The following DIP2B variants were observed in gnomAD, a reference collection of about 807,000 sequenced individuals.
The protein encoded by DIP2B is DIP2 acetate--CoA ligase B (putative), also known as disco-interacting protein 2 homolog B.
Under a neutral mutation model 198.0 loss-of-function variants are expected in DIP2B, and 76 were observed. The observed-to-expected ratio is 0.38, with a 90% CI of 0.32 to 0.46. DIP2B has a LOEUF of 0.46. Ranked by LOEUF, DIP2B falls within the 20% of genes least tolerant of loss-of-function variation. The pLI is 0.99. For synonymous variants in DIP2B, 701 were observed against 739.1 expected, an observed-to-expected ratio of 0.95 and a Z score of 0.84; for missense variants, 1,559 against 1,978.4, an observed-to-expected ratio of 0.79 and a Z score of 4.02.
chr12:50,671,049 A>C lies in DIP2B; in HGVS notation c.428-137A>C, dbSNP rs940984375. Reference sequence around the variant, plus strand: ...AGACTTTTCCTTGAGATTCTTGAGAAACTTTACATATTAATCTACCTTAAG... The same window carrying C: ...AGACTTTTCCTTGAGATTCTTGAGACACTTTACATATTAATCTACCTTAAG... On this transcript the variant is annotated intron_variant, in intron 4 of 37. Coordinates refer to ENST00000301180, the MANE Select transcript of DIP2B (RefSeq NM_173602.3). 2.0e-5 allele frequency: 16 copies of C among 806,588 alleles called. No homozygotes were observed. In the African/African-American group the frequency reaches 2.1e-4, roughly 10 times the overall value. 50.0% of individuals were successfully genotyped at this position (806,588 alleles called of 1,614,324 possible).
chr12:50,523,575 C>T (rs1026021170), intron 1 of DIP2B, among the ~76,000 whole-genome samples: 2 of 152,088 alleles, frequency 1.3e-5, no homozygotes, highest in Non-Finnish European at 2.9e-5. Flanking sequence ...TCTTAGTGTT[C>T]ACATGGAAGA....
intron 19 of DIP2B, 104 bp from the exon 20 acceptor site, chr12:50,704,036 C>T (rs569276509): frequency 1.1e-6 from 1 of 893,114 alleles, no homozygotes; most frequent in South Asian, 1.5e-5. Flanking sequence ...TTCACTATTA[C>T]ATTATTTTTT....
intron 5 of DIP2B, among the ~76,000 whole-genome samples, chr12:50,671,759 T>C (rs1036577267): frequency 7.2e-5 from 11 of 152,188 alleles, no homozygotes; most frequent in African/African-American, 2.4e-4. Context: ...CCCAGGATTG[T>C]TACCTATATT....
rs759625255 is a variant in DIP2B at position 50,739,427 on chromosome 12, C to T, written c.4195C>T (p.His1399Tyr). The T allele has an allele frequency of 6.2e-7, 1 of 1,613,376 alleles. No homozygotes were observed. The highest frequency in any genetic ancestry group is 8.5e-7 in the Non-Finnish European group (1 of 1,179,348). The stretch of plus-strand genomic sequence containing the variant: ...CTTGTAGATTTGGGTGAACAGTCCC[C>T]ATACAGCCAGCGGCTACTACACCAT... ...HLGEIWVNSP[H>Y]TASGYYTIYD... is the part of the protein sequence containing the mutation. Residue 1399 changes from histidine to tyrosine, a missense_variant, in exon 36 of 38, where the codon CAT becomes TAT. By Grantham distance (83) the His-to-Tyr change is moderately conservative (BLOSUM62 2). Coordinates refer to ENST00000301180, the MANE Select transcript of DIP2B (RefSeq NM_173602.3).
intron 4 of DIP2B, among the ~76,000 whole-genome samples, chr12:50,665,393 CA>C (rs1336352764): frequency 6.6e-6 from 1 of 152,152 alleles, no homozygotes; most frequent in Non-Finnish European, 1.5e-5. Flanking sequence ...AATTAAGTGT[CA>C]AACTCAAAAT....
At chr12:50,508,572 A>C (rs1277331491) in intron 1 of DIP2B, among the ~76,000 whole-genome samples, 1 of 152,180 alleles carries the variant, frequency 6.6e-6, no homozygotes, top group Non-Finnish European at 1.5e-5. Flanking sequence ...GTACTCAGAA[A>C]GATTGTTTTG....
chr12:50,566,618 TGTCTCACAG>T (rs374169423), intron 1 of DIP2B, among the ~76,000 whole-genome samples: 98 of 152,282 alleles, frequency 6.4e-4, no homozygotes, highest in African/African-American at 2.2e-3. Flanking sequence ...CTTTTGATAG[TGTCTCACAG>T]GTCTCTGAGG....
Position 50,728,525 on chromosome 12 carries a change from G to C in DIP2B, c.3511-23G>C, listed in dbSNP as rs182348615. ...GCCTGTGGGATAACAGTCCCAGCCT[G>C]TTCCATTTTCCATACTTTCCAGATG... is the stretch of plus-strand genomic sequence containing the variant. On this transcript the variant is annotated intron_variant, in intron 29 of 37. Transcript: ENST00000301180. 3.5e-3 allele frequency: 5,604 copies of C among 1,611,498 alleles called. 17 individuals carry two copies. Among genetic ancestry groups the C allele is most frequent in the Non-Finnish European group, 3.5e-3 (4,108 of 1,178,226 alleles).
At chr12:50,595,527 A>G (rs1313483216) in intron 1 of DIP2B, among the ~76,000 whole-genome samples, 1 of 151,516 alleles carries the variant, frequency 6.6e-6, no homozygotes, top group Non-Finnish European at 1.5e-5. Context: ...CCAGTCTTGA[A>G]CTCCTAGGCT....
Position 50,742,394 on chromosome 12 carries a change from C to CAAAAAAAAAAAAAA in DIP2B, c.4478+870_4478+883dup, listed in dbSNP as rs59566626. ...CCCTGGTGACAGACTGAGACTGTCTCAAAAAAAAAAAAAAAAAAAAAAAAA... is the reference window on the plus strand; with the variant it reads ...CCCTGGTGACAGACTGAGACTGTCTCAAAAAAAAAAAAAAAAAAAAAAAAAAAAAAAAAAAAAAA... On this transcript the variant is annotated intron_variant, in intron 37 of 37. Transcript: ENST00000301180. Among the ~76,000 whole-genome samples the CAAAAAAAAAAAAAA allele has an allele frequency of 1.5e-3, 73 of 47,464 alleles. 5 individuals carry two copies. Among genetic ancestry groups the CAAAAAAAAAAAAAA allele is most frequent in the East Asian group, 3.1e-3 (3 of 974 alleles). 31.1% of individuals were successfully genotyped at this position (47,464 alleles called of 152,430 possible).
chr12:50,516,986 ACT>A lies in DIP2B; in HGVS notation c.100+11749_100+11750del, dbSNP rs1267802779. Among the ~76,000 whole-genome samples the A allele has an allele frequency of 2.0e-5, 3 of 151,120 alleles. No homozygotes were observed. In the East Asian group the frequency reaches 6.0e-4, roughly 30 times the overall value. On this transcript the variant is annotated intron_variant, in intron 1 of 37. Coordinates refer to ENST00000301180, the MANE Select transcript of DIP2B (RefSeq NM_173602.3). The stretch of plus-strand genomic sequence containing the variant: ...ACTCCAGCCTGGGCGACAGAGCAAG[ACT>A]CTGTCTCAAAATCCGCCTCCCGGGT...
At position 50,739,494 on chromosome 12, in the gene DIP2B, G is replaced by A. The variant is rs765219401; in HGVS notation, c.4262G>A (p.Arg1421His). The change falls in exon 36 of 38, where the codon CGC (arginine) becomes CAC (histidine). Residue 1421 changes from arginine to histidine, a missense_variant. Arg to His is a conservative substitution (Grantham distance 29). Coordinates refer to ENST00000301180, the MANE Select transcript of DIP2B (RefSeq NM_173602.3). ...ETLQADHFNTRLSFGDAAQTL... is the reference protein window; with the variant it reads ...ETLQADHFNTHLSFGDAAQTL... ...CTTCAAGCTGATCATTTCAACACTC[G>A]CCTCAGCTTTGGAGATGCAGCTCAG... The A allele has an allele frequency of 3.0e-5, 49 of 1,614,108 alleles. No individual in the cohort carries two copies. The highest frequency in any genetic ancestry group is 3.7e-5 in the Non-Finnish European group (44 of 1,180,012).
At chr12:50,516,843 C>T (rs1355249829) in intron 1 of DIP2B, among the ~76,000 whole-genome samples, 1 of 149,608 alleles carries the variant, frequency 6.7e-6, no homozygotes, top group East Asian at 2.1e-4. Flanking sequence ...GGTGTGGTGG[C>T]GGGTGCCTGT....
At chr12:50,571,720 T>A (rs1487894028) in intron 1 of DIP2B, among the ~76,000 whole-genome samples, 1 of 151,864 alleles carries the variant, frequency 6.6e-6, no homozygotes. Context: ...GCCTGGCTAA[T>A]TTTTTGTATT....
intron 9 of DIP2B, among the ~76,000 whole-genome samples, chr12:50,682,628 CAAAAA>C (rs58672851): frequency 1.2e-4 from 5 of 42,142 alleles, no homozygotes; most frequent in Admixed American, 2.9e-4. Flanking sequence ...GACTCTGTCT[CAAAAA>C]AAAAAAAAAA....
chr12:50,662,538 A>T (rs1938670115), intron 4 of DIP2B, among the ~76,000 whole-genome samples: 1 of 152,204 alleles, frequency 6.6e-6, no homozygotes, highest in Admixed American at 6.5e-5. Context: ...CACATTAGGA[A>T]TCGATTCCAT....
chr12:50,537,852 C>T (rs1467447849), intron 1 of DIP2B, among the ~76,000 whole-genome samples: 1 of 151,940 alleles, frequency 6.6e-6, no homozygotes, highest in African/African-American at 2.4e-5. Context: ...CTATGGAGAG[C>T]TTAGGATAAT....
chr12:50,629,545 A>G (rs1938001326), intron 2 of DIP2B, among the ~76,000 whole-genome samples: 1 of 152,162 alleles, frequency 6.6e-6, no homozygotes, highest in Non-Finnish European at 1.5e-5. Flanking sequence ...TGTGACTTTA[A>G]TTATCATTTG....
At chr12:50,740,431 G>A (rs1279153927) in intron 36 of DIP2B, among the ~76,000 whole-genome samples, 2 of 152,174 alleles carry the variant, frequency 1.3e-5, no homozygotes, top group Non-Finnish European at 2.9e-5. Context: ...GGGGATGACT[G>A]TGTTTCTTGC....
Sources: allele counts gnomAD v4.1 joint callset (sites outside exome capture counted in the v4.1 genomes callset), GRCh38; gene constraint gnomAD v4.1.1; transcripts MANE v1.5; gene names NCBI Gene and HGNC (gene_info 2026-07-23, HGNC 2026-07-21).